Variants in NRXN1 observed in about 807,000 individuals in gnomAD.
The protein encoded by NRXN1 is neurexin 1.
In NRXN1, 39 loss-of-function variants were observed where a neutral mutation model predicts 150.9. The observed-to-expected ratio is 0.26, with a 90% CI of 0.20 to 0.34. The LOEUF is 0.34. Ranked by LOEUF, NRXN1 falls within the 10% of genes least tolerant of loss-of-function variation. The probability of loss-of-function intolerance (pLI) is 1.00; values close to 1 mark genes in which losing one functional copy is unlikely to be tolerated. For synonymous variants in NRXN1, 924 were observed against 757.0 expected, an observed-to-expected ratio of 1.22 and a Z score of -3.62; for missense variants, 1,815 against 1,949.9, an observed-to-expected ratio of 0.93 and a Z score of 1.30.
chr2:50,153,665 A>AT (rs1385685671), intron 18 of NRXN1, among the ~76,000 whole-genome samples: 2 of 151,738 alleles, frequency 1.3e-5, no homozygotes, highest in Middle Eastern at 3.2e-3. Flanking sequence ...TTGCTTTTGA[A>AT]TGTCTAAATC....
chr2:50,183,182 T>C (rs2060844899), intron 18 of NRXN1, among the ~76,000 whole-genome samples: 1 of 152,098 alleles, frequency 6.6e-6, no homozygotes, highest in African/African-American at 2.4e-5. Context: ...GAAATAAAGC[T>C]ATCATTTATT....
chr2:50,682,880 G>A (rs949568218), intron 5 of NRXN1, among the ~76,000 whole-genome samples: 3 of 151,974 alleles, frequency 2.0e-5, no homozygotes, highest in Non-Finnish European at 2.9e-5. Flanking sequence ...AGACATGGGG[G>A]GAATTATCTC....
chr2:50,546,381 G>C (rs992189328), intron 9 of NRXN1, among the ~76,000 whole-genome samples: 5 of 152,052 alleles, frequency 3.3e-5, no homozygotes, highest in Non-Finnish European at 5.9e-5. Context: ...ATACATTTAA[G>C]TTCTACAAGC....
intron 17 of NRXN1, among the ~76,000 whole-genome samples, chr2:50,377,454 T>C (rs1168093955): frequency 1.3e-5 from 2 of 152,222 alleles, no homozygotes; most frequent in Non-Finnish European, 2.9e-5. Context: ...GGCTGCATAG[T>C]ATTCCATGAT....
Position 50,606,250 on chromosome 2 carries a change from G to GAAA in NRXN1, c.1320+13769_1320+13771dup, listed in dbSNP as rs1203771076. On this transcript the variant is annotated intron_variant, in intron 8 of 22. Transcript: ENST00000401669. ...GCCAACAGAGTGAGACTCTGTTTCA[G>GAAA]AAAAAAAAAAAAAAAAAAAAAGAAG... Among the ~76,000 whole-genome samples the GAAA allele has an allele frequency of 8.2e-3, 610 of 74,344 alleles. 18 individuals carry two copies. Among genetic ancestry groups the GAAA allele is most frequent in the Non-Finnish European group, 0.01 (396 of 39,246 alleles). The allele number at this position is 74,344 out of a possible 152,430, so 48.8% of individuals were successfully genotyped here. A position where few individuals can be genotyped will look rare whatever the true frequency, so the allele number is the denominator to read the frequency against.
intron 5 of NRXN1, among the ~76,000 whole-genome samples, chr2:50,734,500 AT>A: frequency 6.6e-6 from 1 of 152,240 alleles, no homozygotes. Context: ...CATATTTATG[AT>A]TACTTTGTTT....
chr2:50,740,051 G>A (rs1458620468), intron 5 of NRXN1, among the ~76,000 whole-genome samples: 6 of 152,050 alleles, frequency 3.9e-5, no homozygotes, highest in Non-Finnish European at 7.4e-5. Flanking sequence ...TATTTCTCAG[G>A]CAAGTTTCTC....
intron 21 of NRXN1, among the ~76,000 whole-genome samples, chr2:50,030,531 C>T (rs1045075061): frequency 6.6e-6 from 1 of 152,134 alleles, no homozygotes; most frequent in Non-Finnish European, 1.5e-5. Context: ...TATGATTCTC[C>T]TACATCTGCT....
chr2:50,742,229 G>C lies in NRXN1; in HGVS notation c.833-118614C>G, dbSNP rs974097064. Among the ~76,000 whole-genome samples, 29 of 151,592 alleles carry C rather than the reference G, an allele frequency of 1.9e-4. 1 individual carries two copies. Among genetic ancestry groups the C allele is most frequent in the African/African-American group, 6.8e-4 (28 of 41,312 alleles). ...AGAAAGAAATTTAACTTTGAGAATT[G>C]CAATATTTACATATATATAAATGCA... is the stretch of plus-strand genomic sequence containing the variant. On this transcript the variant is annotated intron_variant, in intron 5 of 22. Coordinates refer to ENST00000401669, the MANE Select transcript of NRXN1 (RefSeq NM_001330078.2).
chr2:50,483,999 G>C (rs2090683252), intron 15 of NRXN1, among the ~76,000 whole-genome samples: 1 of 152,146 alleles, frequency 6.6e-6, no homozygotes, highest in South Asian at 2.1e-4. Context: ...AGACCCAGTG[G>C]TATAAAGGGC....
chr2:50,419,418 G>A lies in NRXN1; in HGVS notation c.3364+46024C>T, dbSNP rs572810923. On this transcript the variant is annotated intron_variant, in intron 17 of 22. Transcript: ENST00000401669. Reference sequence around the variant, plus strand: ...TGGACCCTGACCTGCAATCTCATTAGATTCATTCTAGCCCAATATTAAAAG... The same window carrying A: ...TGGACCCTGACCTGCAATCTCATTAAATTCATTCTAGCCCAATATTAAAAG... Among the ~76,000 whole-genome samples the A allele has an allele frequency of 1.3e-4, 20 of 152,142 alleles. No individual in the cohort carries two copies. In the South Asian group the frequency reaches 3.7e-3, roughly 28 times the overall value.
At chr2:50,611,785 A>G (rs1472619430) in intron 8 of NRXN1, among the ~76,000 whole-genome samples, 1 of 152,174 alleles carries the variant, frequency 6.6e-6, no homozygotes, top group African/African-American at 2.4e-5. Context: ...AGGCTGCCAG[A>G]GTAGGGAAGA....
intron 21 of NRXN1, among the ~76,000 whole-genome samples, chr2:50,053,016 T>G (rs1692968343): frequency 6.6e-6 from 1 of 151,960 alleles, no homozygotes; most frequent in Non-Finnish European, 1.5e-5. Context: ...CAGAGGAGGG[T>G]TATGGAATCA....
intron 12 of NRXN1, among the ~76,000 whole-genome samples, chr2:50,521,010 T>C (rs1254408780): frequency 6.6e-6 from 1 of 152,126 alleles, no homozygotes; most frequent in Admixed American, 6.6e-5. Flanking sequence ...ACTACTTCCT[T>C]TGCGCCTACT....
chr2:50,312,502 A>C (rs2075264353), intron 17 of NRXN1, among the ~76,000 whole-genome samples: 1 of 151,892 alleles, frequency 6.6e-6, no homozygotes, highest in African/African-American at 2.4e-5. Flanking sequence ...ATTTCAATAT[A>C]GCTAGTTTTG....
intron 16 of NRXN1, among the ~76,000 whole-genome samples, chr2:50,468,463 G>T (rs7580777): frequency 0.54 from 82,312 of 151,204 alleles, 22,849 homozygotes; most frequent in Middle Eastern, 0.69. Context: ...ACATTGACAG[G>T]TATTACACAA....
chr2:50,926,175 C>T (rs554691829), intron 2 of NRXN1, among the ~76,000 whole-genome samples: 1 of 151,992 alleles, frequency 6.6e-6, no homozygotes, highest in African/African-American at 2.4e-5. Flanking sequence ...CATAATACTG[C>T]CATGCCCTGT....
intron 5 of NRXN1, among the ~76,000 whole-genome samples, chr2:50,877,437 C>T (rs537540862): frequency 1.8e-4 from 28 of 151,790 alleles, no homozygotes; most frequent in Non-Finnish European, 3.7e-4. Context: ...TTTTCTCTGC[C>T]TGCTCAAACA....
intron 17 of NRXN1, among the ~76,000 whole-genome samples, chr2:50,323,233 G>C (rs1295230913): frequency 6.6e-6 from 1 of 152,108 alleles, no homozygotes; most frequent in Non-Finnish European, 1.5e-5. Context: ...TGGAGTGCTG[G>C]TTAAACTACA....
Sources: allele counts gnomAD v4.1 joint callset (sites outside exome capture counted in the v4.1 genomes callset), GRCh38; gene constraint gnomAD v4.1.1; transcripts MANE v1.5; gene names NCBI Gene and HGNC (gene_info 2026-07-23, HGNC 2026-07-21).